PIK3CG: variants seen among roughly 807,000 people sequenced by gnomAD.
PIK3CG encodes phosphatidylinositol 4,5-bisphosphate 3-kinase catalytic subunit gamma isoform.
A neutral mutation model predicts 102.3 loss-of-function variants in PIK3CG; 55 were observed. That is an observed-to-expected ratio of 0.54 (90% CI 0.43 to 0.67). The LOEUF (loss-of-function observed/expected upper bound fraction) is 0.67, where lower values mean the gene tolerates loss of function less well. Among genes scored for constraint, PIK3CG ranks in the 30% least tolerant of loss-of-function variants. PIK3CG has a pLI of 0.00. For synonymous variants in PIK3CG, 552 were observed against 540.0 expected (o/e 1.02, Z -0.31); for missense variants, 1,258 against 1,391.8 (o/e 0.90, Z 1.53).
At chr7:106,898,910 A>C (rs1298305219) in intron 10 of PIK3CG, among the ~76,000 whole-genome samples, 1 of 152,134 alleles carries the variant, frequency 6.6e-6, no homozygotes, top group African/African-American at 2.4e-5. Flanking sequence ...TTCTGTGAAG[A>C]ATGTCATTTG....
At position 106,899,139 on chromosome 7, in the gene PIK3CG, A is replaced by T. The variant is rs1791481862; in HGVS notation, c.3031-5970A>T. 6.6e-6 allele frequency among the ~76,000 whole-genome samples: 1 copy of T among 151,914 alleles called. No homozygotes were observed. The highest frequency in any genetic ancestry group is 6.6e-5 in the Admixed American group (1 of 15,246). ...TCTTTTTGTGGCAATTGTGAACGGGATTGCCTTTCTGATTTGGCTCTTGGT... is the reference window on the plus strand; with the variant it reads ...TCTTTTTGTGGCAATTGTGAACGGGTTTGCCTTTCTGATTTGGCTCTTGGT... On this transcript the variant is annotated intron_variant, in intron 10 of 10. Transcript: ENST00000496166. The surrounding 1 kb of genome is among the most constrained non-coding windows in gnomAD (Gnocchi z 4.6).
chr7:106,887,467 A>G (rs781204319), intron 10 of PIK3CG, among the ~76,000 whole-genome samples: 5 of 152,174 alleles, frequency 3.3e-5, no homozygotes, highest in Non-Finnish European at 7.3e-5. Context: ...TCAGTAGAAC[A>G]GGAAGTAGGA....
rs1791303704 is a variant in PIK3CG at position 106,893,015 on chromosome 7, G to C, written c.3030+6723G>C. On this transcript the variant is annotated intron_variant, in intron 10 of 10. Coordinates refer to ENST00000496166, the MANE Select transcript of PIK3CG (RefSeq NM_001282426.2). This position sits in a 1 kb window ranked among gnomAD's most constrained non-coding sequence, Gnocchi z 4.4. The stretch of plus-strand genomic sequence containing the variant: ...AAAGGAAATTTGGGTCCAACTTGAA[G>C]CAGTACATAGGCTGGATTAGAGAGG... 6.6e-6 allele frequency among the ~76,000 whole-genome samples: 1 copy of C among 152,162 alleles called. No homozygotes were observed. Among genetic ancestry groups the C allele is most frequent in the African/African-American group, 2.4e-5 (1 of 41,426 alleles).
rs17847825 is a variant in PIK3CG at position 106,868,886 on chromosome 7, C to A, written c.1325C>A (p.Ser442Tyr). The A allele has an allele frequency of 0.11, 176,833 of 1,614,096 alleles. 11,019 individuals are homozygous for A. Among genetic ancestry groups the A allele is most frequent in the South Asian group, 0.22 (20,491 of 91,076 alleles). Residue 442 changes from serine to tyrosine, a missense_variant, in exon 2 of 11, where the codon TCC becomes TAC. Ser to Tyr is a moderately radical substitution (Grantham distance 144). Around this residue, in one of 2 missense-constraint regions of PIK3CG, gnomAD observed 832 missense variants for 787.5 expected, o/e 1.06. Transcript: ENST00000496166. This position sits in a 1 kb window ranked among gnomAD's most constrained non-coding sequence, Gnocchi z 6.2. ...TACTGCGGTAAAGCTCCAGCACTGTCCAGCAAGGCCTCTGCAGAGTCCCCC... is the reference window on the plus strand; with the variant it reads ...TACTGCGGTAAAGCTCCAGCACTGTACAGCAAGGCCTCTGCAGAGTCCCCC... ...QIYCGKAPAL[S>Y]SKASAESPSS...
chr7:106,906,831 CTTTTTTTT>C lies in PIK3CG; in HGVS notation c.*1454_*1461del, dbSNP rs571080689. 3 of 175,312 alleles carry C rather than the reference CTTTTTTTT, an allele frequency of 1.7e-5. No individual in the cohort carries two copies. The South Asian group carries it at 6.8e-4, about 40-fold the overall frequency. 10.9% of individuals were successfully genotyped at this position (175,312 alleles called of 1,614,324 possible). On this transcript the variant is annotated 3_prime_UTR_variant, in exon 11 of 11. Coordinates refer to ENST00000496166, the MANE Select transcript of PIK3CG (RefSeq NM_001282426.2). The stretch of plus-strand genomic sequence containing the variant: ...GACTTTGAGGTAGTCCAGACCTTTT[CTTTTTTTT>C]TTTTTTTTTAATGTGTGCAAAAGCC...
chr7:106,876,422 C>T (rs531865179), intron 5 of PIK3CG, among the ~76,000 whole-genome samples: 5 of 146,836 alleles, frequency 3.4e-5, no homozygotes, highest in South Asian at 4.3e-4. Flanking sequence ...GACAGAGTCT[C>T]GCTCTGTCGC....
In PIK3CG at chr7:106,879,598, CA is replaced by C. The variant is rs775480092; in HGVS notation, c.2474del (p.Asn825MetfsTer52). 1 of 1,612,276 alleles carries C rather than the reference CA, an allele frequency of 6.2e-7. No individual in the cohort carries two copies. The highest frequency in any genetic ancestry group is 1.1e-5 in the South Asian group (1 of 91,046). Reference protein sequence around the residue: ...EFKCADPTALSNETIGIIFKH... With the variant: ...EFKCADPTALXNETIGIIFKH... ...AAATGTGCCGATCCTACAGCCCTAT[CA>C]AATGAAACAATTGGAATTATCTTTA... On this transcript the variant is annotated frameshift_variant, in exon 6 of 11. Transcript: ENST00000496166. LOFTEE classifies it high-confidence loss of function. This position sits in a 1 kb window ranked among gnomAD's most constrained non-coding sequence, Gnocchi z 4.9.
Position 106,902,684 on chromosome 7 carries a change from G to T in PIK3CG, c.3031-2425G>T, listed in dbSNP as rs764111363. ...AGTGTGAATTTTTGTTATGTTTTTG[G>T]CCTGTATTTCTGGCCAATTATCTCT... is the stretch of plus-strand genomic sequence containing the variant. On this transcript the variant is annotated intron_variant, in intron 10 of 10. Transcript: ENST00000496166. This position sits in a 1 kb window ranked among gnomAD's most constrained non-coding sequence, Gnocchi z 4.3. Among the ~76,000 whole-genome samples the T allele has an allele frequency of 6.6e-6, 1 of 151,476 alleles. No homozygotes were observed. The highest frequency in any genetic ancestry group is 1.5e-5 in the Non-Finnish European group (1 of 67,902).
intron 9 of PIK3CG, 23 bp from the exon 10 acceptor site, chr7:106,886,112 G>A (rs749994124): frequency 6.2e-7 from 1 of 1,609,636 alleles, no homozygotes; most frequent in South Asian, 1.1e-5. Flanking sequence ...CTGTAATGAT[G>A]TCAGATACTT....
chr7:106,898,293 C>T (rs1791459879), intron 10 of PIK3CG, among the ~76,000 whole-genome samples: 1 of 152,052 alleles, frequency 6.6e-6, no homozygotes, highest in Non-Finnish European at 1.5e-5. Flanking sequence ...TTGTCAGATG[C>T]ATAGTTTGTA....
Position 106,874,586 on chromosome 7 carries a change from C to A in PIK3CG, c.2288-114C>A. On this transcript the variant is annotated intron_variant, in intron 4 of 10. Transcript: ENST00000496166. The surrounding 1 kb of genome is among the most constrained non-coding windows in gnomAD (Gnocchi z 4.3). Reference sequence around the variant, plus strand: ...GCCCACCCACATTTCTCCTGCTCTACACCAGAACAAATATATAGAATGCTA... The same window carrying A: ...GCCCACCCACATTTCTCCTGCTCTAAACCAGAACAAATATATAGAATGCTA... 1.3e-6 allele frequency: 1 copy of A among 759,802 alleles called. No homozygotes were observed. Among genetic ancestry groups the A allele is most frequent in the Non-Finnish European group, 2.2e-6 (1 of 464,612 alleles). 47.1% of individuals were successfully genotyped at this position (759,802 alleles called of 1,614,324 possible). A position where few individuals can be genotyped will look rare whatever the true frequency, so the allele number is the denominator to read the frequency against.
rs1354321619 is a variant in PIK3CG at position 106,867,305 on chromosome 7, G to A, written c.-12-245G>A. Among the ~76,000 whole-genome samples, 1 of 152,134 alleles carries A rather than the reference G, an allele frequency of 6.6e-6. No individual in the cohort carries two copies. Among genetic ancestry groups the A allele is most frequent in the East Asian group, 1.9e-4 (1 of 5,186 alleles). ...CATTACTAACCAGTTTGAGAGATGA[G>A]AAACAGGCTCAGAGATTAAGCAGCC... On this transcript the variant is annotated intron_variant, in intron 1 of 10. Transcript: ENST00000496166. The surrounding 1 kb of genome is among the most constrained non-coding windows in gnomAD (Gnocchi z 5.1).
chr7:106,895,794 C>T lies in PIK3CG; in HGVS notation c.3031-9315C>T, dbSNP rs1791393989. On this transcript the variant is annotated intron_variant, in intron 10 of 10. Coordinates refer to ENST00000496166, the MANE Select transcript of PIK3CG (RefSeq NM_001282426.2). The surrounding 1 kb of genome is among the most constrained non-coding windows in gnomAD (Gnocchi z 5.4). ...CACCACAACAACATGAAATGGGTAT[C>T]ATTCTTATTATTCTTAATCTATATT... is the stretch of plus-strand genomic sequence containing the variant. Among the ~76,000 whole-genome samples the T allele has an allele frequency of 6.6e-6, 1 of 152,202 alleles. No individual in the cohort carries two copies. Among genetic ancestry groups the T allele is most frequent in the Non-Finnish European group, 1.5e-5 (1 of 68,036 alleles).
chr7:106,874,876 T>C lies in PIK3CG; in HGVS notation c.2391+73T>C. ...GTCTAACGTGCTTGCTGGGGCCCAG[T>C]ACTTAAAAGCTAATGTTTATGCAGA... On this transcript the variant is annotated intron_variant, in intron 5 of 10. Coordinates refer to ENST00000496166, the MANE Select transcript of PIK3CG (RefSeq NM_001282426.2). This position sits in a 1 kb window ranked among gnomAD's most constrained non-coding sequence, Gnocchi z 4.3. 1 of 940,394 alleles carries C rather than the reference T, an allele frequency of 1.1e-6. No homozygotes were observed. Among genetic ancestry groups the C allele is most frequent in the South Asian group, 1.4e-5 (1 of 70,604 alleles). The allele number at this position is 940,394 out of a possible 1,614,324, so 58.3% of individuals were successfully genotyped here.
rs934622835 is a variant in PIK3CG, at chr7:106,908,136, A to G, written c.*2749A>G. 9.9e-5 allele frequency among the ~76,000 whole-genome samples: 15 copies of G among 152,216 alleles called. No homozygotes were observed. The highest frequency in any genetic ancestry group is 3.4e-4 in the African/African-American group (14 of 41,456). On this transcript the variant is annotated 3_prime_UTR_variant, in exon 11 of 11. Coordinates refer to ENST00000496166, the MANE Select transcript of PIK3CG (RefSeq NM_001282426.2). This position sits in a 1 kb window ranked among gnomAD's most constrained non-coding sequence, Gnocchi z 4.1. ...TTTATGTATATCTAGGACTGGCGAC[A>G]TAATTTGCAGAGCCCAGTGAACAGT... is the stretch of plus-strand genomic sequence containing the variant.
chr7:106,868,242 C>T lies in PIK3CG; in HGVS notation c.681C>T (p.Ser227=), dbSNP rs1439188570. The change falls in exon 2 of 11, where the codon AGC becomes AGT. Residue 227 remains serine (S), a synonymous_variant. Transcript: ENST00000496166. The surrounding 1 kb of genome is among the most constrained non-coding windows in gnomAD (Gnocchi z 6.2). ...GCATCTTCATCGTCATTCACCGCAG[C>T]ACCACCAGCCAGACCATTAAGGTCT... ...NNCIFIVIHR[S]TTSQTIKVSP... 1.2e-6 allele frequency: 2 copies of T among 1,613,064 alleles called. No homozygotes were observed. The highest frequency in any genetic ancestry group is 2.7e-5 in the African/African-American group (2 of 74,938).
In PIK3CG at chr7:106,868,553, G is replaced by C. The variant is rs756159091; in HGVS notation, c.992G>C (p.Gly331Ala). 1.9e-5 allele frequency: 31 copies of C among 1,614,016 alleles called. No homozygotes were observed. The Admixed American group carries it at 4.8e-4, about 25-fold the overall frequency. ...EEWPLVDDCT[G>A]VTGYHEQLTI... ...TGGCCACTGGTGGATGACTGCACGG[G>C]AGTCACCGGCTACCATGAGCAGCTT... is the stretch of plus-strand genomic sequence containing the variant. Residue 331 changes from glycine (G) to alanine (A), a missense_variant, in exon 2 of 11, where the codon GGA (glycine) becomes GCA (alanine). By Grantham distance (60) the Gly-to-Ala change is moderately conservative. Transcript: ENST00000496166. This position sits in a 1 kb window ranked among gnomAD's most constrained non-coding sequence, Gnocchi z 6.2.
At position 106,867,591 on chromosome 7, in the gene PIK3CG, G is replaced by A. The variant is rs1371129587; in HGVS notation, c.30G>A (p.Val10=). 2 of 1,599,180 alleles carry A rather than the reference G, an allele frequency of 1.3e-6. No individual in the cohort carries two copies. The highest frequency in any genetic ancestry group is 1.7e-6 in the Non-Finnish European group (2 of 1,173,260). The change falls in exon 2 of 11, where the codon GTG becomes GTA. Residue 10 remains valine, a synonymous_variant. Transcript: ENST00000496166. The surrounding 1 kb of genome is among the most constrained non-coding windows in gnomAD (Gnocchi z 5.1). ...AGCTGGAGAACTATAAACAGCCCGTGGTGCTGAGAGAGGACAACTGCCGAA... is the reference window on the plus strand; with the variant it reads ...AGCTGGAGAACTATAAACAGCCCGTAGTGCTGAGAGAGGACAACTGCCGAA... MELENYKQP[V]VLREDNCRRR...
At chr7:106,870,593 G>A (rs1790501537) in intron 2 of PIK3CG, among the ~76,000 whole-genome samples, 1 of 152,070 alleles carries the variant, frequency 6.6e-6, no homozygotes, top group Non-Finnish European at 1.5e-5. Flanking sequence ...AACAGTCCAG[G>A]GGTCCAAGGG....
Sources: gnomAD v4.1 joint callset for allele counts (sites outside exome capture counted in the v4.1 genomes callset) on GRCh38, gnomAD v4.1.1 for gene constraint, gnomAD v4.1.1 regional missense constraint, Gnocchi (gnomAD v3.1) non-coding constraint, MANE v1.5 for transcripts, NCBI Gene and HGNC (gene_info 2026-07-23, HGNC 2026-07-21) for gene names.